Variants in TAOK1 observed in about 807,000 individuals in gnomAD.
The protein encoded by TAOK1 is TAO kinase 1, also known as serine/threonine-protein kinase TAO1.
Under a neutral mutation model 138.3 loss-of-function variants are expected in TAOK1, and 21 were observed. The observed-to-expected ratio is 0.15, with a 90% CI of 0.11 to 0.22. The LOEUF (loss-of-function observed/expected upper bound fraction) is 0.22. Among genes scored for constraint, TAOK1 ranks in the 10% least tolerant of loss-of-function variants. The pLI, the probability that TAOK1 is intolerant of heterozygous loss-of-function variation, is 1.00. For synonymous variants in TAOK1, 361 were observed against 398.4 expected (o/e 0.91, Z 1.12); for missense variants, 651 against 1,227.7 (o/e 0.53, Z 7.02).
intron 1 of TAOK1, among the ~76,000 whole-genome samples, chr17:29,446,805 C>T (rs1244986176): frequency 6.8e-6 from 1 of 147,396 alleles, no homozygotes; most frequent in African/African-American, 2.5e-5. Flanking sequence ...ATGGCACAAT[C>T]TCAGCTCACT....
chr17:29,502,568 G>A, intron 12 of TAOK1, 21 bp from the exon 13 acceptor site: 1 of 1,559,614 alleles, frequency 6.4e-7, no homozygotes, highest in Non-Finnish European at 8.7e-7. Flanking sequence ...ACATAATATT[G>A]TCTTTTTTTT....
intron 18 of TAOK1, among the ~76,000 whole-genome samples, chr17:29,533,563 G>A (rs2032166957): frequency 6.6e-6 from 1 of 152,178 alleles, no homozygotes; most frequent in South Asian, 2.1e-4. Flanking sequence ...TGAGCACTGA[G>A]TGAACGAGAC....
chr17:29,415,293 A>G (rs1905242567), intron 1 of TAOK1, among the ~76,000 whole-genome samples: 3 of 152,152 alleles, frequency 2.0e-5, no homozygotes, highest in Admixed American at 6.6e-5. Flanking sequence ...GGCTACTATG[A>G]ATGGTGCTAA....
In TAOK1 at chr17:29,510,858, A is replaced by G. The variant is rs749672058; in HGVS notation, c.1576-6A>G. 12 of 1,574,588 alleles carry G rather than the reference A, an allele frequency of 7.6e-6. No individual in the cohort carries two copies. In the South Asian group the frequency reaches 1.4e-4, roughly 19 times the overall value. ...AAATTTGATTCATTTTTTAAACTTC[A>G]TATAGGCTAAAGTGATGTCCAATGA... On this transcript the variant is annotated splice_polypyrimidine_tract_variant and splice_region_variant and intron_variant, in intron 14 of 19. Transcript: ENST00000261716.
chr17:29,480,288 A>T (rs555008031), intron 6 of TAOK1, 80 bp from the exon 7 acceptor site: 10 of 992,540 alleles, frequency 1.0e-5, no homozygotes, highest in Admixed American at 7.9e-5. Flanking sequence ...CTATCCTATG[A>T]ATTCTTGTTT....
chr17:29,485,620 T>G (rs868730318), intron 8 of TAOK1, among the ~76,000 whole-genome samples: 8 of 152,056 alleles, frequency 5.3e-5, no homozygotes, highest in South Asian at 4.2e-4. Context: ...GCCTGAGTGA[T>G]AGAGTGAGGC....
intron 1 of TAOK1, among the ~76,000 whole-genome samples, chr17:29,449,343 A>G (rs190154530): frequency 2.5e-3 from 375 of 152,346 alleles, no homozygotes; most frequent in Non-Finnish European, 4.4e-3. Context: ...TGGTAAAAGT[A>G]TATGGGGCAG....
At chr17:29,396,834 T>C (rs1418825062) in intron 1 of TAOK1, among the ~76,000 whole-genome samples, 2 of 150,938 alleles carry the variant, frequency 1.3e-5, no homozygotes, top group Non-Finnish European at 2.9e-5. Flanking sequence ...CTACTAAAAA[T>C]ACAAAAAATT....
chr17:29,507,070 GT>G (rs1354998125), intron 13 of TAOK1, among the ~76,000 whole-genome samples: 1 of 152,084 alleles, frequency 6.6e-6, no homozygotes, highest in African/African-American at 2.4e-5. Flanking sequence ...CAGATTGATG[GT>G]TACCAGGAGG....
chr17:29,507,873 C>T, intron 13 of TAOK1, 23 bp from the exon 14 acceptor site: 2 of 1,593,156 alleles, frequency 1.3e-6, no homozygotes, highest in East Asian at 4.5e-5. Flanking sequence ...TTCTTCTTTT[C>T]CTTACATTAT....
At chr17:29,413,881 CTTTTTTTTTT>C (rs34539579) in intron 1 of TAOK1, among the ~76,000 whole-genome samples, 98 of 101,242 alleles carry the variant, frequency 9.7e-4, no homozygotes, top group African/African-American at 3.7e-3. Flanking sequence ...TTTCTGGCTT[CTTTTTTTTTT>C]TTTTTTTTTT....
At chr17:29,535,956 A>G (rs2032213874) in intron 19 of TAOK1, among the ~76,000 whole-genome samples, 1 of 152,130 alleles carries the variant, frequency 6.6e-6, no homozygotes, top group South Asian at 2.1e-4. Flanking sequence ...TTTGAGAGGT[A>G]TTTGCATCTA....
In TAOK1 at chr17:29,508,179, T is replaced by C. The variant is rs762806343; in HGVS notation, c.1575+47T>C. ...CTTTGCTTATTTTAGGTTTTGAATGTCTCAGAATTAACCAACATGGCAGTT... is the reference window on the plus strand; with the variant it reads ...CTTTGCTTATTTTAGGTTTTGAATGCCTCAGAATTAACCAACATGGCAGTT... On this transcript the variant is annotated intron_variant, in intron 14 of 19. Coordinates refer to ENST00000261716, the MANE Select transcript of TAOK1 (RefSeq NM_020791.4). 6 of 1,532,504 alleles carry C rather than the reference T, an allele frequency of 3.9e-6. No homozygotes were observed. The African/African-American group carries it at 4.1e-5, about 11-fold the overall frequency. 94.9% of individuals were successfully genotyped at this position (1,532,504 alleles called of 1,614,324 possible).
intron 1 of TAOK1, among the ~76,000 whole-genome samples, chr17:29,405,924 C>T (rs9900684): frequency 0.19 from 28,214 of 152,148 alleles, 3,358 homozygotes; most frequent in East Asian, 0.65. Context: ...AGTAATGACA[C>T]ATCTGTATTT....
chr17:29,391,221 ATTCC>A (rs1486920672), intron 1 of TAOK1, among the ~76,000 whole-genome samples, 197 bp downstream of exon 1: 3 of 152,178 alleles, frequency 2.0e-5, no homozygotes, highest in Admixed American at 6.5e-5. Context: ...GAGCAATTCC[ATTCC>A]TTTTTCCTGA....
chr17:29,409,036 A>G (rs1301994030), intron 1 of TAOK1, among the ~76,000 whole-genome samples: 1 of 152,074 alleles, frequency 6.6e-6, no homozygotes, highest in Non-Finnish European at 1.5e-5. Context: ...CTATTGCTGT[A>G]TATGAGATTA....
intron 15 of TAOK1, among the ~76,000 whole-genome samples, chr17:29,516,149 T>G (rs2031809386): frequency 1.3e-5 from 2 of 150,850 alleles, no homozygotes; most frequent in African/African-American, 4.9e-5. Flanking sequence ...TTAGTAGAGA[T>G]AGGGTTTCTC....
At chr17:29,414,419 T>C (rs1905219221) in intron 1 of TAOK1, among the ~76,000 whole-genome samples, 1 of 151,512 alleles carries the variant, frequency 6.6e-6, no homozygotes, top group South Asian at 2.1e-4. Flanking sequence ...CTGGCTAATT[T>C]TTGTATTTTT....
At chr17:29,398,367 A>G (rs1423885458) in intron 1 of TAOK1, among the ~76,000 whole-genome samples, 3 of 149,412 alleles carry the variant, frequency 2.0e-5, no homozygotes, top group Admixed American at 1.3e-4. Flanking sequence ...CACCATGCCC[A>G]GCTAATTTTT....
Sources: gnomAD v4.1 joint callset for allele counts (sites outside exome capture counted in the v4.1 genomes callset) on GRCh38, gnomAD v4.1.1 for gene constraint, MANE v1.5 for transcripts, NCBI Gene and HGNC (gene_info 2026-07-23, HGNC 2026-07-21) for gene names.